The following NAV1 variants were observed in gnomAD, a reference collection of about 807,000 sequenced individuals.
The protein encoded by NAV1 is neuron navigator 1, also known as pore membrane and/or filament interacting like protein 3.
NAV1 carries 18 observed loss-of-function variants against 175.2 expected under a neutral mutation model. That is an observed-to-expected ratio of 0.10 (90% CI 0.07 to 0.15). NAV1 has a LOEUF of 0.15. Among genes scored for constraint, NAV1 ranks in the 10% least tolerant of loss-of-function variants. The pLI, the probability that NAV1 is intolerant of heterozygous loss-of-function variation, is 1.00. For synonymous variants in NAV1, 897 were observed against 978.7 expected, an observed-to-expected ratio of 0.92 and a Z score of 1.56; for missense variants, 1,731 against 2,436.6, an observed-to-expected ratio of 0.71 and a Z score of 6.10.
At chr1:201,727,781 A>C (rs10920242) in intron 3 of NAV1, among the ~76,000 whole-genome samples, 1,570 of 152,320 alleles carry the variant, frequency 0.01, 12 homozygotes, top group Middle Eastern at 0.027. Context: ...GATGACGTGG[A>C]ATACACCTCA....
intron 1 of NAV1, among the ~76,000 whole-genome samples, chr1:201,583,728 G>T (rs1372623213): frequency 6.6e-6 from 1 of 152,220 alleles, no homozygotes; most frequent in African/African-American, 2.4e-5. Context: ...GCTCCCTGGA[G>T]TAACTGTGTA....
chr1:201,722,049 C>A (rs1349743677), intron 3 of NAV1, among the ~76,000 whole-genome samples: 2 of 152,172 alleles, frequency 1.3e-5, no homozygotes, highest in Non-Finnish European at 2.9e-5. Flanking sequence ...CCAGAATAAT[C>A]ATACATGTTT....
In NAV1 at chr1:201,539,915, G is replaced by A. The variant is rs372141801; in HGVS notation, c.-144+573G>A. 2.6e-5 allele frequency among the ~76,000 whole-genome samples: 4 copies of A among 152,290 alleles called. No individual in the cohort carries two copies. In the East Asian group the frequency reaches 5.8e-4, roughly 22 times the overall value. On this transcript the variant is annotated intron_variant, in intron 1 of 33. Coordinates refer to the NAV1 transcript ENST00000685211. The surrounding 1 kb of genome is among the most constrained non-coding windows in gnomAD (Gnocchi z 5.6). ...CCCTCCCGCCAATCTCCCGGAGGCC[G>A]TCCTCTCTGGCGCCCGCCCAGTGCG...
At chr1:201,822,568 A>G (rs1265053174) in exon 30 of NAV1, 1 of 152,584 alleles carries the variant, frequency 6.6e-6, no homozygotes, top group Non-Finnish European at 1.5e-5. Context: ...GGATACCACC[A>G]TGAATTTTAT....
chr1:201,684,211 G>A (rs1330260983), intron 1 of NAV1, among the ~76,000 whole-genome samples: 1 of 152,054 alleles, frequency 6.6e-6, no homozygotes, highest in African/African-American at 2.4e-5. Flanking sequence ...TTTCTCCAAG[G>A]AATCTTAGTT....
exon 1 of NAV1, chr1:201,649,245 G>A (rs1158781983): frequency 6.2e-7 from 1 of 1,613,180 alleles, no homozygotes; most frequent in South Asian, 1.1e-5. Context: ...TGAAGCGGCC[G>A]TGAGCGAAGA....
chr1:201,729,866 A>T (rs1303454780), intron 3 of NAV1, among the ~76,000 whole-genome samples: 1 of 152,212 alleles, frequency 6.6e-6, no homozygotes, highest in Admixed American at 6.5e-5. Flanking sequence ...AGATCGTGCC[A>T]CTGCGCTCCA....
chr1:201,714,514 A>G lies in NAV1; in HGVS notation c.860+1595A>G, dbSNP rs556127780. On this transcript the variant is annotated intron_variant, in intron 2 of 29. Coordinates refer to ENST00000367296, the Ensembl canonical transcript of NAV1. ...CTGACTACTGAAAGGGAGGTGACCA[A>G]GGAAGTCCTGGAAAAAGGTGGATGG... 2.6e-5 allele frequency among the ~76,000 whole-genome samples: 4 copies of G among 152,324 alleles called. No individual in the cohort carries two copies. The South Asian group carries it at 6.2e-4, about 24-fold the overall frequency.
chr1:201,800,817 CTTTTTTTTTT>C (rs61404613), intron 15 of NAV1, among the ~76,000 whole-genome samples: 2,665 of 90,870 alleles, frequency 0.029, 90 homozygotes, highest in South Asian at 0.16. Context: ...CTTGGTGTAT[CTTTTTTTTTT>C]TTTTTTTTTT....
chr1:201,647,597 C>G (rs1408048254), upstream of NAV1, among the ~76,000 whole-genome samples: 1 of 152,162 alleles, frequency 6.6e-6, no homozygotes, highest in Non-Finnish European at 1.5e-5. Flanking sequence ...CCTCAGCCCC[C>G]TCCCCAGTCA....
chr1:201,768,637 C>G (rs1228452322), intron 3 of NAV1, among the ~76,000 whole-genome samples: 1 of 98,980 alleles, frequency 1.0e-5, no homozygotes, highest in Non-Finnish European at 2.0e-5. Flanking sequence ...GATCTTGTCT[C>G]AATTAAAAAA....
At chr1:201,756,852 CTT>C (rs1192542063) in intron 3 of NAV1, among the ~76,000 whole-genome samples, 29 of 130,000 alleles carry the variant, frequency 2.2e-4, no homozygotes, top group African/African-American at 6.2e-4. Context: ...TTCTTTCTTT[CTT>C]TCTTTCTTTC....
chr1:201,612,099 AGT>A (rs989575547), intron 2 of NAV1, among the ~76,000 whole-genome samples: 12 of 151,330 alleles, frequency 7.9e-5, no homozygotes, highest in African/African-American at 2.9e-4. Flanking sequence ...TGTGTGTGTG[AGT>A]GTGTGTGTCT....
chr1:201,717,853 A>G (rs1420768916), intron 2 of NAV1, among the ~76,000 whole-genome samples: 4 of 152,200 alleles, frequency 2.6e-5, no homozygotes, highest in Non-Finnish European at 5.9e-5. Flanking sequence ...TCAGCTAATT[A>G]CTAGAAGAGA....
chr1:201,804,352 T>C, intron 16 of NAV1, 137 bp from the exon 21 acceptor site: 1 of 822,796 alleles, frequency 1.2e-6, no homozygotes. Flanking sequence ...TGCTCCTCTG[T>C]CCCCTGTTCA....
intron 1 of NAV1, among the ~76,000 whole-genome samples, chr1:201,559,342 G>A (rs1294831176): frequency 6.6e-6 from 1 of 152,144 alleles, no homozygotes; most frequent in East Asian, 1.9e-4. Context: ...GGAGAGACCA[G>A]AAGCACACCC....
rs114141905 is a variant in NAV1, at chr1:201,667,235, C to T, written c.757+17810C>T. 5.1e-3 allele frequency among the ~76,000 whole-genome samples: 770 copies of T among 152,320 alleles called. 7 individuals carry two copies. Among genetic ancestry groups the T allele is most frequent in the African/African-American group, 0.018 (755 of 41,566 alleles). On this transcript the variant is annotated intron_variant, in intron 1 of 29. Coordinates refer to ENST00000367296, the Ensembl canonical transcript of NAV1. The stretch of plus-strand genomic sequence containing the variant: ...CTGACTCCTGGTGCAGTGATTTCCC[C>T]ACTAAAGTTTAATTAAGCCATCCCC...
At chr1:201,547,646 T>G (rs775762016) in intron 1 of NAV1, among the ~76,000 whole-genome samples, 16 of 152,214 alleles carry the variant, frequency 1.1e-4, no homozygotes, top group African/African-American at 3.6e-4. Flanking sequence ...TTCAGAGAGT[T>G]ATCTAAGTTG....
intron 3 of NAV1, among the ~76,000 whole-genome samples, chr1:201,756,805 TTTCCTTC>T (rs1250258294): frequency 1.0e-4 from 3 of 28,850 alleles, no homozygotes; most frequent in African/African-American, 4.1e-4. Context: ...TCTTTCTTTC[TTTCCTTC>T]TTTCTTTCTT....
Sources: gnomAD v4.1 joint callset for allele counts (sites outside exome capture counted in the v4.1 genomes callset) on GRCh38, gnomAD v4.1.1 for gene constraint, Gnocchi (gnomAD v3.1) non-coding constraint, MANE v1.5 for transcripts, NCBI Gene and HGNC (gene_info 2026-07-23, HGNC 2026-07-21) for gene names.